FRMD4A: variants seen among roughly 807,000 people sequenced by gnomAD.
The protein encoded by FRMD4A is FERM domain containing 4A.
Under a neutral mutation model 129.1 loss-of-function variants are expected in FRMD4A, and 29 were observed. The ratio of observed to expected loss-of-function variants is 0.22; its 90% CI spans 0.17 to 0.31. The LOEUF (loss-of-function observed/expected upper bound fraction) is 0.31, where lower values mean the gene tolerates loss of function less well. Ranked by LOEUF, FRMD4A falls within the 10% of genes least tolerant of loss-of-function variation. FRMD4A has a pLI of 1.00. For missense variants in FRMD4A, 1,272 were observed against 1,375.8 expected (o/e 0.92, Z 1.19); for synonymous variants, 634 against 571.6 (o/e 1.11, Z -1.56).
intron 2 of FRMD4A, among the ~76,000 whole-genome samples, chr10:14,066,223 C>T (rs1352935386): frequency 6.6e-6 from 1 of 151,846 alleles, no homozygotes; most frequent in African/African-American, 2.4e-5. Flanking sequence ...GTATGTAGAG[C>T]TGCACCAGGA....
At chr10:13,701,254 G>A in intron 14 of FRMD4A, 86 bp downstream of exon 14, 4 of 1,282,522 alleles carry the variant, frequency 3.1e-6, no homozygotes, top group Non-Finnish European at 4.4e-6. Flanking sequence ...AAGGGACATG[G>A]CGCCTCCCCC....
At chr10:14,097,972 C>CAAATTATATATTATATATAGATTATATAT (rs1564288479) in intron 2 of FRMD4A, among the ~76,000 whole-genome samples, 1 of 117,616 alleles carries the variant, frequency 8.5e-6, no homozygotes, top group Non-Finnish European at 1.7e-5. Flanking sequence ...ATATTATATA[C>CAAATTATATATTATATATAGATTATATAT]AAATTATATA....
chr10:14,271,073 G>C (rs1484515320), intron 2 of FRMD4A, among the ~76,000 whole-genome samples: 1 of 152,068 alleles, frequency 6.6e-6, no homozygotes, highest in Non-Finnish European at 1.5e-5. Context: ...GCGGGCACAG[G>C]GACAAGATTG....
intron 2 of FRMD4A, among the ~76,000 whole-genome samples, chr10:14,276,756 C>T (rs929124903): frequency 6.6e-6 from 1 of 152,262 alleles, no homozygotes; most frequent in Non-Finnish European, 1.5e-5. Flanking sequence ...GGTGTGAAGC[C>T]TGACCTTCCC....
chr10:13,916,652 G>C (rs2698114), intron 2 of FRMD4A, among the ~76,000 whole-genome samples: 127,564 of 152,164 alleles, frequency 0.84, 53,563 homozygotes, highest in South Asian at 0.89. Flanking sequence ...TCAAATCTCT[G>C]TTTGTAGATT....
intron 2 of FRMD4A, among the ~76,000 whole-genome samples, chr10:13,876,883 T>C (rs1408475712): frequency 1.3e-5 from 2 of 152,210 alleles, no homozygotes; most frequent in East Asian, 3.9e-4. Context: ...ATAGGTACTA[T>C]ATAAATTAAT....
At chr10:14,076,086 G>A (rs562695079) in intron 2 of FRMD4A, among the ~76,000 whole-genome samples, 4 of 152,206 alleles carry the variant, frequency 2.6e-5, no homozygotes, top group South Asian at 4.2e-4. Context: ...CTGAATAACC[G>A]GGTTTCATTA....
chr10:13,905,519 A>G (rs1209044868), intron 2 of FRMD4A, among the ~76,000 whole-genome samples: 1 of 152,180 alleles, frequency 6.6e-6, no homozygotes, highest in African/African-American at 2.4e-5. Context: ...GCTCTTTACA[A>G]AGGAAATTCC....
rs71388133 is a variant in FRMD4A at position 13,921,270 on chromosome 10, C to CTCTTTCTCTCTTTCTCTCTT, written c.46-62359_46-62358insAAGAGAGAAAGAGAGAAAGA. On this transcript the variant is annotated intron_variant, in intron 2 of 24. Transcript: ENST00000357447. ...TCTTTCTCTCTCTCTCTCTCTTTCT[C>CTCTTTCTCTCTTTCTCTCTT]TCTTTCTTTCTTGACAGATTCTCAC... is the stretch of plus-strand genomic sequence containing the variant. Among the ~76,000 whole-genome samples, 212 of 148,190 alleles carry CTCTTTCTCTCTTTCTCTCTT rather than the reference C, an allele frequency of 1.4e-3. 1 individual carries two copies. The highest frequency in any genetic ancestry group is 4.8e-3 in the African/African-American group (191 of 40,020).
chr10:14,324,591 T>C (rs949728709), intron 2 of FRMD4A, among the ~76,000 whole-genome samples: 5 of 152,212 alleles, frequency 3.3e-5, no homozygotes, highest in Non-Finnish European at 7.3e-5. Flanking sequence ...AAGTTGTCAA[T>C]ATCACTTTTT....
chr10:13,961,121 A>C (rs1169844945), intron 2 of FRMD4A, among the ~76,000 whole-genome samples: 1 of 152,208 alleles, frequency 6.6e-6, no homozygotes. Flanking sequence ...GCCAGAATTT[A>C]TCTCTCCTTC....
chr10:13,915,864 GCCT>G (rs1214548154), intron 2 of FRMD4A, among the ~76,000 whole-genome samples: 4 of 152,120 alleles, frequency 2.6e-5, no homozygotes, highest in Non-Finnish European at 5.9e-5. Context: ...TGGGCGGTTG[GCCT>G]CCTGACCTCT....
intron 8 of FRMD4A, among the ~76,000 whole-genome samples, chr10:13,751,276 A>G (rs2148281): frequency 0.92 from 140,799 of 152,226 alleles, 65,185 homozygotes; most frequent in East Asian, 1. Context: ...GCCTGCAGTG[A>G]GTTCTCTAGC....
chr10:13,799,410 G>T (rs572666050), intron 4 of FRMD4A, among the ~76,000 whole-genome samples: 2 of 152,282 alleles, frequency 1.3e-5, no homozygotes, highest in Admixed American at 1.3e-4. Context: ...CACCTGCCTC[G>T]GCCTCCCAAA....
intron 2 of FRMD4A, among the ~76,000 whole-genome samples, chr10:14,158,938 TC>T (rs1840742103): frequency 6.6e-6 from 1 of 151,622 alleles, no homozygotes; most frequent in African/African-American, 2.4e-5. Flanking sequence ...ATACATGATA[TC>T]TTGAAGAAAG....
intron 3 of FRMD4A, among the ~76,000 whole-genome samples, chr10:13,828,532 TTTC>T (rs966548685): frequency 5.3e-5 from 5 of 95,010 alleles, no homozygotes; most frequent in East Asian, 3.1e-4. Flanking sequence ...TCTTTCTTTC[TTTC>T]TTTTTTTTTT....
At chr10:13,832,444 C>A (rs952823685) in intron 3 of FRMD4A, among the ~76,000 whole-genome samples, 2 of 152,136 alleles carry the variant, frequency 1.3e-5, no homozygotes, top group Admixed American at 6.5e-5. Context: ...TTCAGCCTTG[C>A]GAGCACATTA....
chr10:14,286,785 A>C (rs1290184450), intron 2 of FRMD4A, among the ~76,000 whole-genome samples: 1 of 152,046 alleles, frequency 6.6e-6, no homozygotes, highest in African/African-American at 2.4e-5. Flanking sequence ...CCTTCAAAAA[A>C]TCCATTTGGT....
At chr10:14,060,167 T>A (rs1255027949) in intron 2 of FRMD4A, among the ~76,000 whole-genome samples, 1 of 152,248 alleles carries the variant, frequency 6.6e-6, no homozygotes, top group African/African-American at 2.4e-5. Context: ...ATACAATACT[T>A]TCCATTTTCT....
Sources: gnomAD v4.1 joint callset for allele counts (sites outside exome capture counted in the v4.1 genomes callset) on GRCh38, gnomAD v4.1.1 for gene constraint, MANE v1.5 for transcripts, NCBI Gene and HGNC (gene_info 2026-07-23, HGNC 2026-07-21) for gene names.